The following DLG2 variants were observed in gnomAD, a reference collection of about 807,000 sequenced individuals.
The protein encoded by DLG2 is disks large homolog 2.
Under a neutral mutation model 132.5 loss-of-function variants are expected in DLG2, and 45 were observed. The observed-to-expected ratio is 0.34, with a 90% CI of 0.27 to 0.44. The LOEUF (loss-of-function observed/expected upper bound fraction) is 0.44. Ranked by LOEUF, DLG2 falls within the 20% of genes least tolerant of loss-of-function variation. The pLI, the probability that DLG2 is intolerant of heterozygous loss-of-function variation, is 1.00. For synonymous variants in DLG2, 424 were observed against 419.6 expected (o/e 1.01, Z -0.13); for missense variants, 1,045 against 1,196.9 (o/e 0.87, Z 1.87).
chr11:84,189,858 A>G (rs948621680), intron 8 of DLG2, among the ~76,000 whole-genome samples: 3 of 152,114 alleles, frequency 2.0e-5, no homozygotes, highest in Admixed American at 6.6e-5. Context: ...ATCAGGAAGG[A>G]TAGCTAATGG....
chr11:85,528,700 C>G (rs774294243), intron 3 of DLG2, among the ~76,000 whole-genome samples: 1 of 152,148 alleles, frequency 6.6e-6, no homozygotes, highest in African/African-American at 2.4e-5. Flanking sequence ...GAGTATGTGA[C>G]CCATGCAATT....
chr11:84,070,831 C>T (rs947044513), intron 10 of DLG2, among the ~76,000 whole-genome samples: 1 of 152,116 alleles, frequency 6.6e-6, no homozygotes, highest in Non-Finnish European at 1.5e-5. Flanking sequence ...GTTCTATAAA[C>T]CTAAATTCAA....
At chr11:85,371,855 G>C (rs1164164366) in intron 3 of DLG2, among the ~76,000 whole-genome samples, 2 of 152,150 alleles carry the variant, frequency 1.3e-5, no homozygotes, top group Non-Finnish European at 2.9e-5. Flanking sequence ...CAGTCCAAAA[G>C]GCCTATGTAG....
Position 84,835,605 on chromosome 11 carries a change from A to G in DLG2, c.357+276056T>C, listed in dbSNP as rs79976567. ...CCGCACTAAATCTTGCCTATTGAAC[A>G]ACATGTACAAATGCCCACAAATTCT... On this transcript the variant is annotated intron_variant, in intron 6 of 27. Coordinates refer to ENST00000376104, the MANE Select transcript of DLG2 (RefSeq NM_001142699.3). Among the ~76,000 whole-genome samples the G allele has an allele frequency of 9.2e-3, 1,397 of 151,832 alleles. 24 individuals carry two copies. Among genetic ancestry groups the G allele is most frequent in the African/African-American group, 0.032 (1,333 of 41,500 alleles).
At chr11:84,425,056 A>G (rs560833484) in intron 7 of DLG2, among the ~76,000 whole-genome samples, 75 of 152,256 alleles carry the variant, frequency 4.9e-4, no homozygotes, top group Non-Finnish European at 8.4e-4. Context: ...TCCCTAGGAT[A>G]GGGACCATAG....
chr11:85,272,224 T>C (rs1008708557), intron 4 of DLG2, among the ~76,000 whole-genome samples: 1 of 152,162 alleles, frequency 6.6e-6, no homozygotes, highest in Non-Finnish European at 1.5e-5. Flanking sequence ...CCTCCCACCA[T>C]GTATGATGTG....
At chr11:83,881,975 C>G (rs116814771) in intron 15 of DLG2, among the ~76,000 whole-genome samples, 1 of 151,848 alleles carries the variant, frequency 6.6e-6, no homozygotes, top group South Asian at 2.1e-4. Context: ...GAGATAAGAT[C>G]AAAAAATATT....
At chr11:84,642,410 T>G (rs1181669932) in intron 6 of DLG2, among the ~76,000 whole-genome samples, 16 of 152,180 alleles carry the variant, frequency 1.1e-4, no homozygotes, top group Non-Finnish European at 2.9e-5. Flanking sequence ...AGATACATAT[T>G]TTGCTATAAT....
intron 7 of DLG2, among the ~76,000 whole-genome samples, chr11:84,470,435 T>C (rs985772530): frequency 6.6e-6 from 1 of 151,736 alleles, no homozygotes; most frequent in African/African-American, 2.4e-5. Context: ...TCCTGTTGTC[T>C]AGGGGTTCGT....
chr11:85,040,050 A>G (rs746978576), intron 6 of DLG2, among the ~76,000 whole-genome samples: 5 of 151,924 alleles, frequency 3.3e-5, no homozygotes, highest in African/African-American at 4.8e-5. Context: ...CGTGCTATAG[A>G]TCCCAAATTC....
intron 6 of DLG2, among the ~76,000 whole-genome samples, chr11:85,090,444 G>A (rs921038832): frequency 6.6e-6 from 1 of 152,082 alleles, no homozygotes; most frequent in African/African-American, 2.4e-5. Context: ...GTAAATAGAA[G>A]ACATCCCACT....
chr11:85,258,636 T>C (rs2076785741), intron 4 of DLG2, among the ~76,000 whole-genome samples: 1 of 152,200 alleles, frequency 6.6e-6, no homozygotes, highest in Non-Finnish European at 1.5e-5. Context: ...AAAAAGGTTC[T>C]CTAAGAGAAA....
chr11:85,013,369 A>T (rs2059312369), intron 6 of DLG2, among the ~76,000 whole-genome samples: 1 of 152,122 alleles, frequency 6.6e-6, no homozygotes, highest in South Asian at 2.1e-4. Flanking sequence ...GGTTGCTCTG[A>T]AGTAGCCATG....
At chr11:84,451,549 C>G (rs377567858) in intron 7 of DLG2, among the ~76,000 whole-genome samples, 1 of 151,758 alleles carries the variant, frequency 6.6e-6, no homozygotes, top group Non-Finnish European at 1.5e-5. Flanking sequence ...CTGGAAAACT[C>G]GGGAGTATAT....
intron 19 of DLG2, among the ~76,000 whole-genome samples, chr11:83,567,536 G>T (rs2096728239): frequency 6.6e-6 from 1 of 152,126 alleles, no homozygotes; most frequent in Non-Finnish European, 1.5e-5. Context: ...TGTTTTAGGT[G>T]GTGGGGTGCT....
chr11:85,084,598 T>G (rs1285874234), intron 6 of DLG2, among the ~76,000 whole-genome samples: 1 of 152,184 alleles, frequency 6.6e-6, no homozygotes, highest in South Asian at 2.1e-4. Flanking sequence ...GTCAGCATGG[T>G]TTTGACAGAC....
At chr11:84,527,252 C>T (rs1357292924) in intron 7 of DLG2, among the ~76,000 whole-genome samples, 24 of 152,182 alleles carry the variant, frequency 1.6e-4, no homozygotes, top group Admixed American at 1.6e-3. Flanking sequence ...CAAGAGTTAA[C>T]AGGAAAGGCT....
chr11:85,169,350 T>C (rs1340477867), intron 4 of DLG2, among the ~76,000 whole-genome samples: 1 of 152,152 alleles, frequency 6.6e-6, no homozygotes, highest in Non-Finnish European at 1.5e-5. Context: ...GCTCCCTCTC[T>C]GAAGGTTCCA....
chr11:83,770,255 G>GTTTTTTTTTTTTTTTTTTTTTTTTT lies in DLG2; in HGVS notation c.1825+16434_1825+16435insAAAAAAAAAAAAAAAAAAAAAAAAA, dbSNP rs143065797. 2.2e-4 allele frequency among the ~76,000 whole-genome samples: 24 copies of GTTTTTTTTTTTTTTTTTTTTTTTTT among 109,926 alleles called. 1 individual carries two copies. The highest frequency in any genetic ancestry group is 4.5e-4 in the African/African-American group (11 of 24,452). 72.1% of individuals were successfully genotyped at this position (109,926 alleles called of 152,430 possible). ...TACCTTTTGTCTCGTGGTGTCTGGTGTTTTTTTTTGTTTTTTTGCTTTTTG... is the reference window on the plus strand; with the variant it reads ...TACCTTTTGTCTCGTGGTGTCTGGTGTTTTTTTTTTTTTTTTTTTTTTTTTTTTTTTTTTGTTTTTTTGCTTTTTG... On this transcript the variant is annotated intron_variant, in intron 18 of 27. Coordinates refer to ENST00000376104, the MANE Select transcript of DLG2 (RefSeq NM_001142699.3).
Sources: allele counts gnomAD v4.1 joint callset (sites outside exome capture counted in the v4.1 genomes callset), GRCh38; gene constraint gnomAD v4.1.1; transcripts MANE v1.5; gene names NCBI Gene and HGNC (gene_info 2026-07-23, HGNC 2026-07-21).